The following NCALD variants were observed in gnomAD, a reference collection of about 807,000 sequenced individuals.
NCALD encodes neurocalcin delta.
Under a neutral mutation model 18.6 loss-of-function variants are expected in NCALD, and 10 were observed. The observed-to-expected ratio is 0.54, with a 90% CI of 0.33 to 0.91. The LOEUF (loss-of-function observed/expected upper bound fraction) is 0.91. Among genes scored for constraint, NCALD ranks in the 40% least tolerant of loss-of-function variants. NCALD has a pLI of 0.03. For missense variants in NCALD, 184 were observed against 247.6 expected (o/e 0.74, Z 1.72); for synonymous variants, 88 against 87.4 (o/e 1.01, Z -0.04).
intron 2 of NCALD, among the ~76,000 whole-genome samples, chr8:101,935,894 A>G (rs887626062): frequency 6.6e-6 from 1 of 151,840 alleles, no homozygotes; most frequent in East Asian, 1.9e-4. Flanking sequence ...TTGGCAGCCA[A>G]TTGCAGAAGC....
At chr8:101,810,207 GGACTCCCCAAATAT>G (rs1481859064) in intron 4 of NCALD, among the ~76,000 whole-genome samples, 1 of 152,108 alleles carries the variant, frequency 6.6e-6, no homozygotes, top group Non-Finnish European at 1.5e-5. Context: ...AATTAAACAT[GGACTCCCCAAATAT>G]GACTTTTTAT....
intron 1 of NCALD, among the ~76,000 whole-genome samples, chr8:102,066,489 G>C (rs1173295062): frequency 6.6e-6 from 1 of 152,184 alleles, no homozygotes; most frequent in Non-Finnish European, 1.5e-5. Context: ...GACAATACAC[G>C]AAGAACAAGA....
chr8:101,788,407 TCA>T (rs1314316559), intron 1 of NCALD, among the ~76,000 whole-genome samples: 1 of 152,304 alleles, frequency 6.6e-6, no homozygotes, highest in African/African-American at 2.4e-5. Flanking sequence ...CCAAGAGAAA[TCA>T]CAGATATTTT....
chr8:102,037,043 T>C (rs1034488281), intron 1 of NCALD, among the ~76,000 whole-genome samples: 9 of 152,170 alleles, frequency 5.9e-5, no homozygotes, highest in Admixed American at 2.6e-4. Context: ...ATAATAAAAA[T>C]TGGGAACACC....
intron 1 of NCALD, among the ~76,000 whole-genome samples, chr8:102,050,853 T>C (rs1201404653): frequency 6.8e-6 from 1 of 146,662 alleles, no homozygotes; most frequent in African/African-American, 2.5e-5. Flanking sequence ...TTAATTTAAT[T>C]AATTAATTTA....
At chr8:101,813,029 T>C (rs999785854) in intron 4 of NCALD, among the ~76,000 whole-genome samples, 2 of 152,150 alleles carry the variant, frequency 1.3e-5, no homozygotes, top group African/African-American at 4.8e-5. Context: ...AAATCTTCAA[T>C]GGGTGCTTTC....
chr8:101,864,518 G>A (rs1815679080), intron 4 of NCALD, among the ~76,000 whole-genome samples: 1 of 151,638 alleles, frequency 6.6e-6, no homozygotes, highest in Non-Finnish European at 1.5e-5. Flanking sequence ...CAACAAACAG[G>A]ATCTTCATAA....
At chr8:101,725,810 G>A (rs960564657) in intron 1 of NCALD, among the ~76,000 whole-genome samples, 5 of 152,188 alleles carry the variant, frequency 3.3e-5, no homozygotes, top group Non-Finnish European at 7.4e-5. Flanking sequence ...GGCACTTATA[G>A]TCTAGTGGCA....
chr8:102,098,623 G>C (rs527420977), intron 1 of NCALD, among the ~76,000 whole-genome samples: 1 of 152,178 alleles, frequency 6.6e-6, no homozygotes, highest in Non-Finnish European at 1.5e-5. Flanking sequence ...GGTAGGCCTC[G>C]TGTCATTCAC....
chr8:101,872,244 A>C (rs1007577218), intron 4 of NCALD: 1 of 1,429,782 alleles, frequency 7.0e-7, no homozygotes, highest in African/African-American at 1.4e-5. Flanking sequence ...CTTCTTGAAC[A>C]TAATACTTCC....
intron 1 of NCALD, among the ~76,000 whole-genome samples, chr8:102,083,123 A>G (rs998989195): frequency 6.6e-6 from 1 of 152,250 alleles, no homozygotes; most frequent in African/African-American, 2.4e-5. Context: ...AAAGCAAAAT[A>G]TAACCTCAGT....
At position 101,692,904 on chromosome 8, in the gene NCALD, C is replaced by T; in HGVS notation, c.379-8G>A. 6.3e-7 allele frequency: 1 copy of T among 1,594,248 alleles called. No individual in the cohort carries two copies. Among genetic ancestry groups the T allele is most frequent in the Non-Finnish European group, 8.6e-7 (1 of 1,162,060 alleles). ...AACCATCTTATAGATTGCCTGGGGA[C>T]AGAAGCGACATGGTGGTAAGACAGA... On this transcript the variant is annotated splice_region_variant and splice_polypyrimidine_tract_variant and intron_variant, in intron 2 of 3. Coordinates refer to ENST00000220931, the MANE Select transcript of NCALD (RefSeq NM_032041.3).
intron 1 of NCALD, among the ~76,000 whole-genome samples, chr8:101,735,816 G>A (rs1051990948): frequency 5.9e-5 from 9 of 152,214 alleles, no homozygotes; most frequent in African/African-American, 2.2e-4. Context: ...CTACGCTGTG[G>A]CCAGCGGAGG....
intron 1 of NCALD, among the ~76,000 whole-genome samples, chr8:101,777,286 G>T (rs946553707): frequency 2.6e-5 from 4 of 152,192 alleles, no homozygotes; most frequent in Non-Finnish European, 4.4e-5. Context: ...ACACAGATAT[G>T]AAATGAGACA....
intron 3 of NCALD, among the ~76,000 whole-genome samples, chr8:101,908,889 C>T (rs1305711331): frequency 6.6e-6 from 1 of 152,126 alleles, no homozygotes; most frequent in African/African-American, 2.4e-5. Flanking sequence ...ACAGACCAGA[C>T]CAAATCAAAA....
chr8:101,868,206 G>T (rs891193859), intron 4 of NCALD, among the ~76,000 whole-genome samples: 3 of 152,078 alleles, frequency 2.0e-5, no homozygotes, highest in African/African-American at 7.2e-5. Context: ...TGGGCCTCTA[G>T]ACTTAGAGGG....
intron 1 of NCALD, among the ~76,000 whole-genome samples, chr8:102,096,669 G>A (rs62523043): frequency 4.0e-5 from 6 of 151,884 alleles, no homozygotes; most frequent in Admixed American, 6.6e-5. Flanking sequence ...GACTGACGGC[G>A]GGCCACCACT....
chr8:101,769,359 C>G (rs1000170218), intron 1 of NCALD, among the ~76,000 whole-genome samples: 4 of 152,178 alleles, frequency 2.6e-5, no homozygotes, highest in African/African-American at 4.8e-5. Flanking sequence ...GTATTTCAAA[C>G]AGCTCATTAG....
At position 101,755,715 on chromosome 8, in the gene NCALD, G is replaced by A. The variant is rs951110220; in HGVS notation, c.-20+35147C>T. 3.9e-5 allele frequency among the ~76,000 whole-genome samples: 6 copies of A among 152,142 alleles called. No homozygotes were observed. In the East Asian group the frequency reaches 1.2e-3, roughly 29 times the overall value. On this transcript the variant is annotated intron_variant, in intron 1 of 3. Transcript: ENST00000220931. The stretch of plus-strand genomic sequence containing the variant: ...CTCCTACAGCCTCACTGCTGTTCTT[G>A]GCTGAAATCCTTTCCAACATAAGAT...
Sources: gnomAD v4.1 joint callset for allele counts (sites outside exome capture counted in the v4.1 genomes callset) on GRCh38, gnomAD v4.1.1 for gene constraint, MANE v1.5 for transcripts, NCBI Gene and HGNC (gene_info 2026-07-23, HGNC 2026-07-21) for gene names.